ADGB: variants seen among roughly 807,000 people sequenced by gnomAD.
The protein encoded by ADGB is calpain-7-like protein.
ADGB carries 172 observed loss-of-function variants against 210.5 expected under a neutral mutation model. That is an observed-to-expected ratio of 0.82 (90% CI 0.72 to 0.93). ADGB has a LOEUF of 0.93. Ranked by LOEUF, ADGB falls within the 40% of genes least tolerant of loss-of-function variation. The pLI is 0.00. For synonymous variants in ADGB, 658 were observed against 662.7 expected (o/e 0.99, Z 0.11); for missense variants, 2,025 against 1,964.8 (o/e 1.03, Z -0.58).
chr6:146,789,910 T>C (rs9497623), intron 33 of ADGB, among the ~76,000 whole-genome samples: 22,297 of 152,148 alleles, frequency 0.15, 3,494 homozygotes, highest in African/African-American at 0.39. Flanking sequence ...ATTGTGATCT[T>C]GAACTGAACA....
chr6:146,796,909 A>T (rs1778052232), intron 33 of ADGB, among the ~76,000 whole-genome samples: 1 of 152,188 alleles, frequency 6.6e-6, no homozygotes, highest in Admixed American at 6.5e-5. Context: ...TAAACAGACA[A>T]CTCACAGAGT....
At chr6:146,748,901 AG>A (rs1258195274) in intron 26 of ADGB, among the ~76,000 whole-genome samples, 1 of 152,010 alleles carries the variant, frequency 6.6e-6, no homozygotes, top group Non-Finnish European at 1.5e-5. Flanking sequence ...TTTTTTTATG[AG>A]GACACCAATC....
At chr6:146,734,640 A>G (rs1236968015) in intron 22 of ADGB, among the ~76,000 whole-genome samples, 3 of 152,202 alleles carry the variant, frequency 2.0e-5, no homozygotes, top group Non-Finnish European at 4.4e-5. Flanking sequence ...AAAACATGGC[A>G]GATGCAAAAC....
rs1283068658 is a variant in ADGB at position 146,654,190 on chromosome 6, A to C, written c.386A>C (p.His129Pro). 5.2e-6 allele frequency: 8 copies of C among 1,545,654 alleles called. No individual in the cohort carries two copies. Among genetic ancestry groups the C allele is most frequent in the Non-Finnish European group, 7.0e-6 (8 of 1,142,912 alleles). ...ITFDLFSANE[H>P]LLCSELMRWI... ...TTTGACTTATTTTCAGCAAATGAAC[A>C]TTTACTCTGCAGCGAGGTATGTACA... The change falls in exon 4 of 36, where the codon CAT becomes CCT. Residue 129 changes from histidine (H) to proline (P), a missense_variant. Physicochemically the swap from His to Pro is moderately conservative, Grantham distance 77. Coordinates refer to ENST00000397944, the MANE Select transcript of ADGB (RefSeq NM_024694.4).
At chr6:146,756,874 C>T (rs919401799) in intron 27 of ADGB, among the ~76,000 whole-genome samples, 5 of 151,800 alleles carry the variant, frequency 3.3e-5, no homozygotes, top group African/African-American at 1.2e-4. Context: ...ATTACAGGTG[C>T]GTGACACCAC....
intron 19 of ADGB, among the ~76,000 whole-genome samples, chr6:146,727,217 G>T (rs1053779728): frequency 6.6e-6 from 1 of 150,804 alleles, no homozygotes; most frequent in Admixed American, 6.6e-5. Context: ...ACCTTGTATT[G>T]ATGGGATTCT....
At chr6:146,721,052 A>T (rs536242669) in intron 16 of ADGB, among the ~76,000 whole-genome samples, 2 of 152,132 alleles carry the variant, frequency 1.3e-5, no homozygotes, top group East Asian at 3.9e-4. Context: ...CTTCCTGCCC[A>T]TCAAAGACCC....
At chr6:146,697,340 T>C (rs1245749303) in intron 12 of ADGB, among the ~76,000 whole-genome samples, 1 of 152,202 alleles carries the variant, frequency 6.6e-6, no homozygotes, top group East Asian at 1.9e-4. Flanking sequence ...GGCTAATACA[T>C]GGTTATACAC....
At chr6:146,705,880 G>A (rs955961300) in intron 13 of ADGB, among the ~76,000 whole-genome samples, 37 of 152,180 alleles carry the variant, frequency 2.4e-4, no homozygotes, top group East Asian at 1.2e-3. Context: ...ATATTTGGTA[G>A]AATTCAGCAG....
At chr6:146,664,413 T>C in intron 6 of ADGB, 73 bp downstream of exon 6, 1 of 1,377,500 alleles carries the variant, frequency 7.3e-7, no homozygotes, top group Non-Finnish European at 9.5e-7. Context: ...TTGTATTGCA[T>C]AATTTATTTT....
chr6:146,728,975 G>A (rs1056369072), intron 20 of ADGB, among the ~76,000 whole-genome samples: 1 of 152,196 alleles, frequency 6.6e-6, no homozygotes, highest in African/African-American at 2.4e-5. Flanking sequence ...CTGGAAATCA[G>A]CTATGCAGGG....
intron 9 of ADGB, among the ~76,000 whole-genome samples, chr6:146,681,056 C>A (rs952954384): frequency 6.6e-6 from 1 of 152,248 alleles, no homozygotes; most frequent in South Asian, 2.1e-4. Context: ...GAAGACAATT[C>A]AATTTCATGG....
chr6:146,771,449 T>C (rs982540781), intron 29 of ADGB, among the ~76,000 whole-genome samples: 1 of 152,188 alleles, frequency 6.6e-6, no homozygotes, highest in South Asian at 2.1e-4. Context: ...CTCTATATGT[T>C]TTTCCCGTCA....
At chr6:146,647,332 A>G (rs925770752) in intron 3 of ADGB, among the ~76,000 whole-genome samples, 1 of 151,954 alleles carries the variant, frequency 6.6e-6, no homozygotes, top group Non-Finnish European at 1.5e-5. Context: ...TTTATTTTAA[A>G]GCCGGTTGCC....
chr6:146,712,533 G>C (rs111570017), intron 13 of ADGB, among the ~76,000 whole-genome samples: 1 of 151,832 alleles, frequency 6.6e-6, no homozygotes, highest in East Asian at 1.9e-4. Flanking sequence ...TACATGAATT[G>C]TGCTGCATAC....
intron 35 of ADGB, among the ~76,000 whole-genome samples, chr6:146,807,996 T>TTG (rs980355148): frequency 6.9e-6 from 1 of 144,490 alleles, no homozygotes; most frequent in African/African-American, 2.6e-5. Context: ...GCTTCAGTTT[T>TTG]TTTTTTTTTT....
rs530633058 is a variant in ADGB at position 146,663,763 on chromosome 6, T to C, written c.613-438T>C. On this transcript the variant is annotated intron_variant, in intron 5 of 35. Transcript: ENST00000397944. The stretch of plus-strand genomic sequence containing the variant: ...GCAGGAATAATATGAGAATTGGAAG[T>C]GTAAGATCAGTGAGGATACATCAAG... 2.2e-4 allele frequency among the ~76,000 whole-genome samples: 33 copies of C among 152,230 alleles called. No homozygotes were observed. In the South Asian group the frequency reaches 5.8e-3, roughly 27 times the overall value.
chr6:146,614,901 T>C (rs1053067330), intron 1 of ADGB, among the ~76,000 whole-genome samples: 1 of 151,682 alleles, frequency 6.6e-6, no homozygotes, highest in Non-Finnish European at 1.5e-5. Flanking sequence ...AATGGGGAGA[T>C]CTCAGATTCT....
chr6:146,729,983 C>T (rs779864622), intron 20 of ADGB, among the ~76,000 whole-genome samples: 42 of 152,104 alleles, frequency 2.8e-4, no homozygotes, highest in Non-Finnish European at 4.1e-4. Context: ...TCAGACATTG[C>T]TAGATGCCCC....
Sources: allele counts gnomAD v4.1 joint callset (sites outside exome capture counted in the v4.1 genomes callset), GRCh38; gene constraint gnomAD v4.1.1; transcripts MANE v1.5; gene names NCBI Gene and HGNC (gene_info 2026-07-23, HGNC 2026-07-21).